The following CNTN5 variants were observed in gnomAD, a reference collection of about 807,000 sequenced individuals.
CNTN5 encodes contactin 5.
In CNTN5, 77 loss-of-function variants were observed where a neutral mutation model predicts 129.1. The ratio of observed to expected loss-of-function variants is 0.60; its 90% confidence interval spans 0.50 to 0.72. The LOEUF (loss-of-function observed/expected upper bound fraction) is 0.72. Among genes scored for constraint, CNTN5 ranks in the 30% least tolerant of loss-of-function variants. CNTN5 has a pLI of 0.00. For synonymous variants in CNTN5, 509 were observed against 465.6 expected, an observed-to-expected ratio of 1.09 and a Z score of -1.20; for missense variants, 1,478 against 1,328.8, an observed-to-expected ratio of 1.11 and a Z score of -1.75.
rs1865054355 is a variant in CNTN5, at chr11:99,065,258, C to G, written c.-210+43988C>G. 2.0e-5 allele frequency among the ~76,000 whole-genome samples: 3 copies of G among 152,092 alleles called. No homozygotes were observed. In the South Asian group the frequency reaches 6.2e-4, roughly 32 times the overall value. ...GTTAATGGGAAATATTCAGATTCAC[C>G]ATGACCATGTGCAAATCTGACCATA... On this transcript the variant is annotated intron_variant, in intron 1 of 24. Transcript: ENST00000524871.
At chr11:99,927,125 A>G (rs1183880526) in intron 7 of CNTN5, among the ~76,000 whole-genome samples, 1 of 152,194 alleles carries the variant, frequency 6.6e-6, no homozygotes, top group Non-Finnish European at 1.5e-5. Flanking sequence ...AGAGAGCTCT[A>G]TTTTTAAGTT....
chr11:99,179,200 G>A (rs1591318558), intron 1 of CNTN5, among the ~76,000 whole-genome samples: 1 of 152,104 alleles, frequency 6.6e-6, no homozygotes, highest in Non-Finnish European at 1.5e-5. Context: ...CCAACACTTC[G>A]GGGGGCCAAG....
At chr11:99,133,031 C>T (rs188039716) in intron 1 of CNTN5, among the ~76,000 whole-genome samples, 90 of 152,232 alleles carry the variant, frequency 5.9e-4, no homozygotes, top group African/African-American at 2.1e-3. Context: ...GTAACCAGAA[C>T]AGCATGGTAT....
intron 2 of CNTN5, among the ~76,000 whole-genome samples, chr11:99,510,226 T>G (rs1946783885): frequency 6.6e-6 from 1 of 152,036 alleles, no homozygotes; most frequent in South Asian, 2.1e-4. Flanking sequence ...GAGCCAACCA[T>G]TCTTACAACC....
chr11:99,968,446 T>C (rs1951154620), intron 8 of CNTN5, among the ~76,000 whole-genome samples: 1 of 151,598 alleles, frequency 6.6e-6, no homozygotes, highest in African/African-American at 2.4e-5. Context: ...AGGAAAGAAT[T>C]GTGTCAACAT....
In CNTN5 at chr11:99,055,848, C is replaced by T. The variant is rs998716998; in HGVS notation, c.-210+34578C>T. Among the ~76,000 whole-genome samples, 17 of 152,012 alleles carry T rather than the reference C, an allele frequency of 1.1e-4. No individual in the cohort carries two copies. In the Admixed American group the frequency reaches 1.1e-3, roughly 10 times the overall value. On this transcript the variant is annotated intron_variant, in intron 1 of 24. Transcript: ENST00000524871. ...TCAAACTCACTGTTGGTTCTGAATGCATTTTTGCCTTCAGGCTCCCTCTAT... is the reference window on the plus strand; with the variant it reads ...TCAAACTCACTGTTGGTTCTGAATGTATTTTTGCCTTCAGGCTCCCTCTAT...
intron 3 of CNTN5, among the ~76,000 whole-genome samples, chr11:99,568,882 A>G (rs745580057): frequency 6.6e-6 from 1 of 152,244 alleles, no homozygotes; most frequent in Non-Finnish European, 1.5e-5. Flanking sequence ...AATATTTAAC[A>G]TAGACATCAA....
chr11:100,264,574 A>G (rs546210840), intron 17 of CNTN5, among the ~76,000 whole-genome samples: 33 of 152,130 alleles, frequency 2.2e-4, no homozygotes, highest in South Asian at 6.2e-4. Context: ...TTCTTTTTTC[A>G]TGACTACATA....
intron 2 of CNTN5, among the ~76,000 whole-genome samples, chr11:99,359,985 T>C (rs1938988741): frequency 6.6e-6 from 1 of 152,200 alleles, no homozygotes; most frequent in Admixed American, 6.5e-5. Flanking sequence ...TTATGCCTTG[T>C]ATGCCTGTGT....
chr11:100,117,800 A>G (rs1256134222), intron 13 of CNTN5, among the ~76,000 whole-genome samples: 2 of 151,572 alleles, frequency 1.3e-5, no homozygotes, highest in Non-Finnish European at 3.0e-5. Context: ...ACTATTAGTT[A>G]TTCAATAAGT....
chr11:100,035,061 G>A (rs1252684083), intron 9 of CNTN5, among the ~76,000 whole-genome samples: 1 of 152,038 alleles, frequency 6.6e-6, no homozygotes, highest in Non-Finnish European at 1.5e-5. Flanking sequence ...ATGTTGGTGT[G>A]CTGCACCCAT....
intron 1 of CNTN5, among the ~76,000 whole-genome samples, chr11:99,037,460 T>C (rs1236815622): frequency 1.3e-5 from 2 of 152,120 alleles, no homozygotes; most frequent in Non-Finnish European, 2.9e-5. Context: ...ATATTTTAAA[T>C]TGAGTCACAG....
intron 13 of CNTN5, among the ~76,000 whole-genome samples, chr11:100,089,431 A>G (rs1202267998): frequency 3.9e-5 from 6 of 152,124 alleles, no homozygotes; most frequent in African/African-American, 1.4e-4. Context: ...GGCTGTGGAG[A>G]AATGGAAACA....
At chr11:100,164,030 G>A (rs752272512) in intron 13 of CNTN5, among the ~76,000 whole-genome samples, 38 of 151,766 alleles carry the variant, frequency 2.5e-4, no homozygotes, top group Non-Finnish European at 4.6e-4. Flanking sequence ...CCACAAAGGT[G>A]AGTTTGAAAG....
At chr11:99,260,062 T>C (rs1182072573) in intron 1 of CNTN5, among the ~76,000 whole-genome samples, 1 of 151,772 alleles carries the variant, frequency 6.6e-6, no homozygotes, top group Non-Finnish European at 1.5e-5. Context: ...TATATTGTTT[T>C]CTTATAGAAT....
chr11:100,284,919 T>A (rs865825917), intron 18 of CNTN5, among the ~76,000 whole-genome samples: 1 of 152,222 alleles, frequency 6.6e-6, no homozygotes, highest in African/African-American at 2.4e-5. Flanking sequence ...AGTTTCAACC[T>A]GGATTAACGT....
chr11:99,034,326 A>T (rs938579534), intron 1 of CNTN5, among the ~76,000 whole-genome samples: 7 of 151,976 alleles, frequency 4.6e-5, no homozygotes, highest in Non-Finnish European at 1.5e-5. Context: ...ATTGATTGGA[A>T]TAGTTTCAGA....
In CNTN5 at chr11:100,350,762, G is replaced by A. The variant is rs1317196918; in HGVS notation, c.3091G>A (p.Ala1031Thr). 1.7e-5 allele frequency: 28 copies of A among 1,608,380 alleles called. No homozygotes were observed. The highest frequency in any genetic ancestry group is 2.4e-5 in the Non-Finnish European group (28 of 1,176,512). The change falls in exon 24 of 25, where the codon GCA (alanine) becomes ACA (threonine). Residue 1031 changes from alanine to threonine, a missense_variant. Physicochemically the swap from Ala to Thr is moderately conservative, Grantham distance 58 (BLOSUM62 0). Transcript: ENST00000524871. Reference protein sequence around the residue: ...SQVIETQKLQAVVPLPDAGVY... With the variant: ...SQVIETQKLQTVVPLPDAGVY... ...AGTTATTGAAACACAGAAACTTCAAGCAGTAGTACCACTCCCAGATGCTGG... is the reference window on the plus strand; with the variant it reads ...AGTTATTGAAACACAGAAACTTCAAACAGTAGTACCACTCCCAGATGCTGG...
rs572153014 is a variant in CNTN5 at position 100,160,127 on chromosome 11, T to C, written c.1581-30999T>C. On this transcript the variant is annotated intron_variant, in intron 13 of 24. Coordinates refer to ENST00000524871, the MANE Select transcript of CNTN5 (RefSeq NM_014361.4). Reference sequence around the variant, plus strand: ...TGATGTTCCCCTCTCTGTGTCCATGTGTTCTCATTGTTCACCTCCCACTTA... The same window carrying C: ...TGATGTTCCCCTCTCTGTGTCCATGCGTTCTCATTGTTCACCTCCCACTTA... 3.9e-5 allele frequency among the ~76,000 whole-genome samples: 6 copies of C among 152,072 alleles called. No individual in the cohort carries two copies. The South Asian group carries it at 1.0e-3, about 26-fold the overall frequency.
Sources: gnomAD v4.1 joint callset for allele counts (sites outside exome capture counted in the v4.1 genomes callset) on GRCh38, gnomAD v4.1.1 for gene constraint, MANE v1.5 for transcripts, NCBI Gene and HGNC (gene_info 2026-07-23, HGNC 2026-07-21) for gene names.